The following CPAMD8 variants were observed in gnomAD, a reference collection of about 807,000 sequenced individuals.
The protein encoded by CPAMD8 is C3 and PZP-like alpha-2-macroglobulin domain-containing protein 8.
In CPAMD8, 146 loss-of-function variants were observed where a neutral mutation model predicts 224.7. The ratio of observed to expected loss-of-function variants is 0.65; its 90% CI spans 0.57 to 0.75. The LOEUF is 0.75. Among genes scored for constraint, CPAMD8 ranks in the 30% least tolerant of loss-of-function variants. The probability of loss-of-function intolerance (pLI) is 0.00; values close to 1 mark genes in which losing one functional copy is unlikely to be tolerated. For synonymous variants in CPAMD8, 966 were observed against 1,044.6 expected (o/e 0.92, Z 1.45); for missense variants, 2,301 against 2,537.5 (o/e 0.91, Z 2.00).
At chr19:16,924,308 G>A (rs2053280580) in intron 26 of CPAMD8, among the ~76,000 whole-genome samples, 1 of 152,136 alleles carries the variant, frequency 6.6e-6, no homozygotes, top group African/African-American at 2.4e-5. Flanking sequence ...TCTGAACTGC[G>A]AGTTGGCTGG....
rs568204913 is a variant in CPAMD8 at position 16,966,931 on chromosome 19, C to T, written c.2213+3960G>A. On this transcript the variant is annotated intron_variant, in intron 18 of 41. Coordinates refer to ENST00000443236, the MANE Select transcript of CPAMD8 (RefSeq NM_015692.5). ...TCAACCATTGTGGAAGACAGTGTGG[C>T]GATTCCTCAAGGATCTAGAACTAGA... Among the ~76,000 whole-genome samples, 14 of 152,182 alleles carry T rather than the reference C, an allele frequency of 9.2e-5. No homozygotes were observed. In the East Asian group the frequency reaches 9.7e-4, roughly 10 times the overall value.
In CPAMD8 at chr19:16,927,872, T is replaced by TG. The variant is rs1171433925; in HGVS notation, c.3370+136dup. Reference sequence around the variant, plus strand: ...CATAGAGAAGGCACTGGAAGCTGCTTGTCAGGTGAGTGGGTGTATGGGTGG... The same window carrying TG: ...CATAGAGAAGGCACTGGAAGCTGCTTGGTCAGGTGAGTGGGTGTATGGGTGG... On this transcript the variant is annotated intron_variant, in intron 25 of 41. Coordinates refer to ENST00000443236, the MANE Select transcript of CPAMD8 (RefSeq NM_015692.5). The TG allele has an allele frequency of 7.4e-6, 5 of 671,736 alleles. No individual in the cohort carries two copies. In the African/African-American group the frequency reaches 8.8e-5, roughly 12 times the overall value. The allele number at this position is 671,736 out of a possible 1,614,324, so 41.6% of individuals were successfully genotyped here.
Position 17,002,136 on chromosome 19 carries a change from G to T in CPAMD8, c.758+130C>A, listed in dbSNP as rs549498302. 8.7e-5 allele frequency: 55 copies of T among 632,290 alleles called. No individual in the cohort carries two copies. In the African/African-American group the frequency reaches 9.9e-4, roughly 11 times the overall value. The allele number at this position is 632,290 out of a possible 1,614,324, so 39.2% of individuals were successfully genotyped here. A position where few individuals can be genotyped will look rare whatever the true frequency, so the allele number is the denominator to read the frequency against. ...CACACCCCAGGGAGGAGGGAACCAGGAAGGGAGGGGCACACCCATGTGGGA... is the reference window on the plus strand; with the variant it reads ...CACACCCCAGGGAGGAGGGAACCAGTAAGGGAGGGGCACACCCATGTGGGA... On this transcript the variant is annotated intron_variant, in intron 9 of 41. Coordinates refer to ENST00000443236, the MANE Select transcript of CPAMD8 (RefSeq NM_015692.5).
At chr19:16,950,758 G>T (rs146891293) in intron 20 of CPAMD8, among the ~76,000 whole-genome samples, 3 of 140,488 alleles carry the variant, frequency 2.1e-5, no homozygotes, top group African/African-American at 8.3e-5. Context: ...GTACCAGTGC[G>T]CTCCAGCCTG....
intron 3 of CPAMD8, among the ~76,000 whole-genome samples, chr19:17,013,019 C>T (rs2056703672): frequency 6.6e-6 from 1 of 151,510 alleles, no homozygotes; most frequent in African/African-American, 2.4e-5. Context: ...CCCATCTCTA[C>T]TAAGTACAAA....
At chr19:17,002,910 C>CTTTTT (rs34659000) in intron 8 of CPAMD8, among the ~76,000 whole-genome samples, 11 of 134,496 alleles carry the variant, frequency 8.2e-5, no homozygotes, top group South Asian at 2.3e-4. Context: ...CTTTTCTTTT[C>CTTTTT]TTTTTTTTTT....
intron 23 of CPAMD8, among the ~76,000 whole-genome samples, chr19:16,931,024 C>G (rs1307908319): frequency 1.3e-5 from 2 of 152,190 alleles, no homozygotes; most frequent in Non-Finnish European, 2.9e-5. Flanking sequence ...ACTCCCCAAC[C>G]TGCAGCAACT....
At chr19:16,996,999 TTA>T in intron 11 of CPAMD8, 110 bp downstream of exon 11, 2 of 713,736 alleles carry the variant, frequency 2.8e-6, no homozygotes, top group Non-Finnish European at 5.1e-6. Flanking sequence ...TCCGCAAAGG[TTA>T]TGTCAGGGGA....
At chr19:16,940,464 TG>T (rs11364574) in intron 22 of CPAMD8, among the ~76,000 whole-genome samples, 91,380 of 151,810 alleles carry the variant, frequency 0.6, 27,904 homozygotes, top group African/African-American at 0.68. Context: ...ATCTCTAAGA[TG>T]GGGGTTAAAG....
At chr19:16,973,538 G>A (rs879197160) in intron 17 of CPAMD8, among the ~76,000 whole-genome samples, 2 of 151,916 alleles carry the variant, frequency 1.3e-5, no homozygotes, top group Non-Finnish European at 2.9e-5. Flanking sequence ...TAGTAGAGAC[G>A]GGGTTTCACC....
intron 17 of CPAMD8, among the ~76,000 whole-genome samples, chr19:16,972,946 A>C (rs1372196873): frequency 6.6e-6 from 1 of 152,170 alleles, no homozygotes; most frequent in Non-Finnish European, 1.5e-5. Context: ...ACGCGGGTGG[A>C]TCCATTAAGC....
intron 22 of CPAMD8, among the ~76,000 whole-genome samples, chr19:16,943,310 C>T (rs2122213912): frequency 6.6e-6 from 1 of 152,274 alleles, no homozygotes; most frequent in East Asian, 1.9e-4. Flanking sequence ...GCCACCGTGC[C>T]CGGCCTGTGT....
Position 16,980,510 on chromosome 19 carries a change from G to T in CPAMD8, c.1572C>A (p.His524Gln). 1 of 1,613,488 alleles carries T rather than the reference G, an allele frequency of 6.2e-7. No homozygotes were observed. Among genetic ancestry groups the T allele is most frequent in the Non-Finnish European group, 8.5e-7 (1 of 1,179,944 alleles). ...TGCCCGGCTCACCTGTCTCAGAAAG[G>T]TGTGTTAAACGAATCGGTTTCTCCA... is the stretch of plus-strand genomic sequence containing the variant. ...PALEKPIRLTHLSETEPPPAP... is the reference protein window; with the variant it reads ...PALEKPIRLTQLSETEPPPAP... Residue 524 changes from histidine to glutamine, a missense_variant, in exon 14 of 42, where the codon CAC becomes CAA. By Grantham distance (24) the His-to-Gln change is conservative (BLOSUM62 0). Around this residue, in one of 4 missense-constraint regions of CPAMD8, gnomAD observed 301 missense variants for 406.6 expected, o/e 0.74. Transcript: ENST00000443236.
At chr19:16,993,722 C>A in intron 11 of CPAMD8, 136 bp from the exon 12 acceptor site, 1 of 786,028 alleles carries the variant, frequency 1.3e-6, no homozygotes, top group Non-Finnish European at 2.0e-6. Context: ...CTGAAATTCA[C>A]AGGGCATCGC....
At chr19:17,011,213 T>A (rs1323349453) in intron 5 of CPAMD8, among the ~76,000 whole-genome samples, 2 of 151,140 alleles carry the variant, frequency 1.3e-5, no homozygotes, top group African/African-American at 4.9e-5. Context: ...AAAAAAAAAA[T>A]TAAGCAACAG....
chr19:16,978,742 T>C (rs1024687106), intron 14 of CPAMD8, among the ~76,000 whole-genome samples: 5 of 152,064 alleles, frequency 3.3e-5, no homozygotes, highest in African/African-American at 1.2e-4. Flanking sequence ...TCTGTCTGTC[T>C]ATCTATCCAT....
intron 22 of CPAMD8, among the ~76,000 whole-genome samples, chr19:16,940,665 T>C (rs2053857987): frequency 6.6e-6 from 1 of 152,206 alleles, no homozygotes; most frequent in South Asian, 2.1e-4. Flanking sequence ...TCACATCCAC[T>C]TCCTAGTAAA....
At chr19:16,934,740 C>T (rs575830101) in intron 23 of CPAMD8, among the ~76,000 whole-genome samples, 13 of 152,254 alleles carry the variant, frequency 8.5e-5, no homozygotes, top group East Asian at 5.8e-4. Context: ...TTTCCTTCTA[C>T]CTTCCCAAAT....
chr19:16,970,556 G>A (rs1256651886), intron 18 of CPAMD8, among the ~76,000 whole-genome samples: 4 of 151,886 alleles, frequency 2.6e-5, no homozygotes, highest in African/African-American at 9.7e-5. Flanking sequence ...CTGGGGGTGT[G>A]GTCACACAGC....
Sources: allele counts gnomAD v4.1 joint callset (sites outside exome capture counted in the v4.1 genomes callset), GRCh38; gene constraint gnomAD v4.1.1; regional missense constraint gnomAD v4.1.1; transcripts MANE v1.5; gene names NCBI Gene and HGNC (gene_info 2026-07-23, HGNC 2026-07-21).